MICAL2: variants seen among roughly 807,000 people sequenced by gnomAD.
MICAL2 encodes [F-actin]-monooxygenase MICAL2.
MICAL2 carries 77 observed loss-of-function variants against 127.3 expected under a neutral mutation model. That is an observed-to-expected ratio of 0.60 (90% CI 0.50 to 0.73). The LOEUF is 0.73. Among genes scored for constraint, MICAL2 ranks in the 30% least tolerant of loss-of-function variants. The pLI, the probability that MICAL2 is intolerant of heterozygous loss-of-function variation, is 0.00. For missense variants in MICAL2, 1,351 were observed against 1,434.4 expected (o/e 0.94, Z 0.94); for synonymous variants, 570 against 551.1 (o/e 1.03, Z -0.48).
chr11:12,218,542 T>G (rs932442617), intron 8 of MICAL2, among the ~76,000 whole-genome samples: 2 of 152,212 alleles, frequency 1.3e-5, no homozygotes, highest in African/African-American at 4.8e-5. Flanking sequence ...GGTCATATTT[T>G]GAAGGGGGGG....
At chr11:12,163,481 C>T (rs2133815245) in intron 3 of MICAL2, among the ~76,000 whole-genome samples, 1 of 152,278 alleles carries the variant, frequency 6.6e-6, no homozygotes, top group South Asian at 2.1e-4. Context: ...CTGTCGAGTC[C>T]ACCATGGGAT....
At chr11:12,213,938 T>C (rs551816841) in intron 7 of MICAL2, among the ~76,000 whole-genome samples, 15 of 152,320 alleles carry the variant, frequency 9.8e-5, no homozygotes, top group African/African-American at 3.4e-4. Flanking sequence ...CTGGCACCAG[T>C]TGTCACCCAG....
At chr11:12,209,338 A>G (rs1237915385) in intron 5 of MICAL2, among the ~76,000 whole-genome samples, 159 bp from the exon 6 acceptor site, 2 of 152,200 alleles carry the variant, frequency 1.3e-5, no homozygotes, top group Admixed American at 6.5e-5. Context: ...ACCAGATTAG[A>G]GAGTGAATCT....
chr11:12,313,606 T>C (rs1864199572), intron 29 of MICAL2, among the ~76,000 whole-genome samples: 1 of 152,234 alleles, frequency 6.6e-6, no homozygotes, highest in South Asian at 2.1e-4. Context: ...TATATGTACA[T>C]AGATATTAAT....
downstream of MICAL2, chr11:12,293,671 G>A (rs1302411666): frequency 3.9e-5 from 63 of 1,614,008 alleles, no homozygotes; most frequent in Admixed American, 1.0e-3. Flanking sequence ...AAATTCCCCT[G>A]TATCTGCCTC....
At chr11:12,358,944 T>G (rs1939171029), downstream of MICAL2, 1 of 153,008 alleles carries the variant, frequency 6.5e-6, no homozygotes, top group African/African-American at 2.4e-5. Flanking sequence ...GTTTAAAGAT[T>G]AGGTTAATAT....
In MICAL2 at chr11:12,259,345, T is replaced by A. The variant is rs138523291; in HGVS notation, c.3232-450T>A. Among the ~76,000 whole-genome samples the A allele has an allele frequency of 2.9e-4, 44 of 152,272 alleles. 1 individual carries two copies. The highest frequency in any genetic ancestry group is 9.4e-4 in the African/African-American group (39 of 41,538). On this transcript the variant is annotated intron_variant, in intron 25 of 27. Coordinates refer to ENST00000683283, the MANE Select transcript of MICAL2 (RefSeq NM_001282663.2). ...ACTGTATATCAAGAATAGTTTCCCA[T>A]GACATTAAATTTTTTTATGTTGGAG...
chr11:12,213,697 T>C (rs1855803332), intron 7 of MICAL2, among the ~76,000 whole-genome samples: 1 of 152,176 alleles, frequency 6.6e-6, no homozygotes, highest in Non-Finnish European at 1.5e-5. Context: ...AAGTGAAGGT[T>C]GACACGATCC....
rs561537672 is a variant in MICAL2 at position 12,300,946 on chromosome 11, G to A, written c.5212+6089G>A. Among the ~76,000 whole-genome samples, 8 of 152,216 alleles carry A rather than the reference G, an allele frequency of 5.3e-5. No homozygotes were observed. In the South Asian group the frequency reaches 8.3e-4, roughly 16 times the overall value. On this transcript the variant is annotated intron_variant, in intron 29 of 34. Transcript: ENST00000646065. Reference sequence around the variant, plus strand: ...TTCATTAAACATTCTGTATTAGTCCGTTTTCACACTGCTGATAAAGACATA... The same window carrying A: ...TTCATTAAACATTCTGTATTAGTCCATTTTCACACTGCTGATAAAGACATA...
chr11:12,197,594 G>C (rs1860102653), intron 3 of MICAL2: 1 of 152,286 alleles, frequency 6.6e-6, no homozygotes, highest in South Asian at 2.1e-4. Flanking sequence ...TACAGGGGTG[G>C]CCCTCACACC....
At chr11:12,181,240 G>A (rs984471203) in intron 3 of MICAL2, among the ~76,000 whole-genome samples, 6 of 152,164 alleles carry the variant, frequency 3.9e-5, no homozygotes, top group South Asian at 2.1e-4. Context: ...CACCGTGCCC[G>A]GCCTATTCTT....
In MICAL2 at chr11:12,226,171, C is replaced by A; in HGVS notation, c.1689C>A (p.Ile563=). ...TCTCTGCTTTGTTTTGATTCTCTAG[C>A]AACTTTGACTCTTTGAATGAAGATG... ...AIIHRFRPEL[I]NFDSLNEDDA... Residue 563 remains isoleucine, a splice_region_variant and synonymous_variant, in exon 14 of 28, where the codon ATC becomes ATA. Coordinates refer to ENST00000683283, the MANE Select transcript of MICAL2 (RefSeq NM_001282663.2). 6.2e-7 allele frequency: 1 copy of A among 1,614,180 alleles called. No homozygotes were observed. The highest frequency in any genetic ancestry group is 8.5e-7 in the Non-Finnish European group (1 of 1,179,992).
chr11:12,318,607 C>T (rs1864257271), intron 29 of MICAL2, among the ~76,000 whole-genome samples: 4 of 152,096 alleles, frequency 2.6e-5, no homozygotes, highest in Non-Finnish European at 2.9e-5. Flanking sequence ...TCCTTTCCCC[C>T]GACCCAACAC....
chr11:12,144,705 G>A (rs1852715807), intron 2 of MICAL2, among the ~76,000 whole-genome samples: 1 of 152,192 alleles, frequency 6.6e-6, no homozygotes, highest in African/African-American at 2.4e-5. Flanking sequence ...AGTTCAGGGA[G>A]GTGAAATACA....
At chr11:12,312,200 A>G (rs1158404878) in intron 29 of MICAL2, among the ~76,000 whole-genome samples, 1 of 151,546 alleles carries the variant, frequency 6.6e-6, no homozygotes, top group Admixed American at 6.6e-5. Context: ...TTGATTTTCA[A>G]TTTTATTTCT....
intron 29 of MICAL2, among the ~76,000 whole-genome samples, chr11:12,309,959 T>C (rs998376790): frequency 6.6e-6 from 1 of 152,228 alleles, no homozygotes; most frequent in African/African-American, 2.4e-5. Flanking sequence ...ATACACTTGT[T>C]GGCCACTTGT....
In MICAL2 at chr11:12,234,975, G is replaced by C. The variant is rs72867506; in HGVS notation, c.1996-1202G>C. 9.8e-3 allele frequency among the ~76,000 whole-genome samples: 1,495 copies of C among 152,260 alleles called. 13 individuals carry two copies. Among genetic ancestry groups the C allele is most frequent in the Middle Eastern group, 0.031 (9 of 294 alleles). On this transcript the variant is annotated intron_variant, in intron 15 of 27. Coordinates refer to ENST00000683283, the MANE Select transcript of MICAL2 (RefSeq NM_001282663.2). Reference sequence around the variant, plus strand: ...GGTAGAAAGGCTAGGATTTAATATGGGCCTGCGATGGAAGCCCCCTCTGAG... The same window carrying C: ...GGTAGAAAGGCTAGGATTTAATATGCGCCTGCGATGGAAGCCCCCTCTGAG...
At chr11:12,138,014 G>A (rs76179858) in intron 1 of MICAL2, among the ~76,000 whole-genome samples, 3,582 of 152,272 alleles carry the variant, frequency 0.024, 147 homozygotes, top group African/African-American at 0.081. Context: ...TTTTACACCT[G>A]CTTGATTTAC....
At chr11:12,122,536 G>A (rs571727542) in intron 1 of MICAL2, among the ~76,000 whole-genome samples, 27 of 152,278 alleles carry the variant, frequency 1.8e-4, no homozygotes, top group African/African-American at 6.0e-4. Flanking sequence ...AGCCTCCCGA[G>A]TAGCTGGGAT....
Sources: allele counts gnomAD v4.1 joint callset (sites outside exome capture counted in the v4.1 genomes callset), GRCh38; gene constraint gnomAD v4.1.1; transcripts MANE v1.5; gene names NCBI Gene and HGNC (gene_info 2026-07-23, HGNC 2026-07-21).